Variants in TOM1L1 observed in about 807,000 individuals in gnomAD.
TOM1L1 encodes target of myb1 like 1 membrane trafficking protein.
In TOM1L1, 64 loss-of-function variants were observed where a neutral mutation model predicts 63.4. The observed-to-expected ratio is 1.01, with a 90% confidence interval of 0.83 to 1.24. The LOEUF (loss-of-function observed/expected upper bound fraction) is 1.24. Among genes scored for constraint, TOM1L1 ranks in the 50% most tolerant of loss-of-function variants. The probability of loss-of-function intolerance (pLI) is 0.00; values close to 1 mark genes in which losing one functional copy is unlikely to be tolerated. For missense variants in TOM1L1, 536 were observed against 567.0 expected, an observed-to-expected ratio of 0.95 and a Z score of 0.55; for synonymous variants, 166 against 194.4, an observed-to-expected ratio of 0.85 and a Z score of 1.22.
At chr17:54,904,992 TTAAAG>T (rs2048387426) in intron 2 of TOM1L1, among the ~76,000 whole-genome samples, 1 of 152,254 alleles carries the variant, frequency 6.6e-6, no homozygotes, top group Non-Finnish European at 1.5e-5. Flanking sequence ...AAAGAGAATC[TTAAAG>T]TAAATTTGGA....
chr17:54,942,096 CAT>C (rs1440349032), intron 11 of TOM1L1, among the ~76,000 whole-genome samples: 2 of 151,830 alleles, frequency 1.3e-5, no homozygotes, highest in Non-Finnish European at 2.9e-5. Context: ...CAGGATAAAA[CAT>C]AGGTCATTTT....
At chr17:54,917,230 A>G (rs1035150976) in intron 7 of TOM1L1, 5 of 152,118 alleles carry the variant, frequency 3.3e-5, no homozygotes, top group African/African-American at 9.7e-5. Flanking sequence ...TACTTTAAAT[A>G]TTGACTTTCT....
At chr17:54,957,474 A>C (rs1490888773) in intron 14 of TOM1L1, 2 of 152,156 alleles carry the variant, frequency 1.3e-5, no homozygotes, top group Non-Finnish European at 2.9e-5. Context: ...ATTATATTCA[A>C]ATTAGGAGAT....
At position 54,961,323 on chromosome 17, in the gene TOM1L1, A is replaced by G. The variant is rs1178540062; in HGVS notation, c.*90A>G. On this transcript the variant is annotated 3_prime_UTR_variant, in exon 16 of 16. Coordinates refer to ENST00000575882, the MANE Select transcript of TOM1L1 (RefSeq NM_005486.3). ...GTGCAGCTTTGAAGCCTGGAAGACA[A>G]TACCTACCAACATGTCAAAGCCATG... The G allele has an allele frequency of 8.4e-6, 13 of 1,551,460 alleles. No individual in the cohort carries two copies. The highest frequency in any genetic ancestry group is 2.7e-5 in the African/African-American group (2 of 73,058).
rs118116975 is a variant in TOM1L1, at chr17:54,931,923, T to G, written c.854+1717T>G. Among the ~76,000 whole-genome samples, 303 of 150,478 alleles carry G rather than the reference T, an allele frequency of 2.0e-3. 6 individuals carry two copies. In the East Asian group the frequency reaches 0.037, roughly 18 times the overall value. On this transcript the variant is annotated intron_variant, in intron 8 of 15. Transcript: ENST00000575882. ...GTAAGCCTAGGAACCATGCTTGCTT[T>G]CTTTCTTTCTTTTTCTTTTTTCTTC...
rs572098684 is a variant in TOM1L1, at chr17:54,920,454, C to A, written c.720+4592C>A. Among the ~76,000 whole-genome samples the A allele has an allele frequency of 1.5e-4, 23 of 152,184 alleles. No homozygotes were observed. In the East Asian group the frequency reaches 4.4e-3, roughly 29 times the overall value. On this transcript the variant is annotated intron_variant, in intron 7 of 15. Transcript: ENST00000575882. The stretch of plus-strand genomic sequence containing the variant: ...GAAGAAATATGAAAATAAAAATAAA[C>A]CCCAAGGATTACAGAAAAGGCTAAA...
chr17:54,932,566 A>G (rs2048881341), intron 8 of TOM1L1, among the ~76,000 whole-genome samples: 1 of 152,090 alleles, frequency 6.6e-6, no homozygotes. Flanking sequence ...GATTACAGGC[A>G]CACACCATCA....
chr17:54,918,927 CT>C (rs2048635944), intron 7 of TOM1L1, among the ~76,000 whole-genome samples: 1 of 152,110 alleles, frequency 6.6e-6, no homozygotes, highest in Non-Finnish European at 1.5e-5. Flanking sequence ...GGTAGTATAC[CT>C]TGAGAAATGA....
intron 7 of TOM1L1, among the ~76,000 whole-genome samples, chr17:54,920,114 A>G (rs1598018387): frequency 6.6e-6 from 1 of 152,176 alleles, no homozygotes; most frequent in East Asian, 1.9e-4. Flanking sequence ...AGTCACGTCA[A>G]TACAGTTAGA....
chr17:54,926,753 A>G (rs1161684962), intron 7 of TOM1L1, among the ~76,000 whole-genome samples: 2 of 152,208 alleles, frequency 1.3e-5, no homozygotes, highest in Non-Finnish European at 2.9e-5. Context: ...GACTGTCAGC[A>G]TCTTTGAGTC....
intron 3 of TOM1L1, chr17:54,906,684 T>C: frequency 1.2e-6 from 1 of 849,378 alleles, no homozygotes. Context: ...GTTTAAGCAA[T>C]TCTCCTGTGT....
chr17:54,914,924 T>G (rs1192495640), intron 6 of TOM1L1, among the ~76,000 whole-genome samples, 181 bp downstream of exon 6: 1 of 152,194 alleles, frequency 6.6e-6, no homozygotes, highest in Non-Finnish European at 1.5e-5. Context: ...GAAGGAGTAA[T>G]CCCATGGGTT....
intron 13 of TOM1L1, among the ~76,000 whole-genome samples, 191 bp from the exon 14 acceptor site, chr17:54,949,854 T>C (rs541267407): frequency 1.5e-3 from 221 of 152,302 alleles, no homozygotes; most frequent in African/African-American, 5.3e-3. Context: ...AAATGAATCT[T>C]TAGTTGAGGT....
chr17:54,948,971 G>T (rs913095016), intron 12 of TOM1L1, among the ~76,000 whole-genome samples: 13 of 151,158 alleles, frequency 8.6e-5, no homozygotes, highest in South Asian at 2.1e-4. Flanking sequence ...GCAATATATG[G>T]TTTTTTTTTC....
chr17:54,951,144 T>C (rs1168648787), intron 14 of TOM1L1, among the ~76,000 whole-genome samples: 2 of 152,196 alleles, frequency 1.3e-5, no homozygotes, highest in Non-Finnish European at 2.9e-5. Flanking sequence ...ACTGCTTCTT[T>C]GGGTTTGATT....
rs113960294 is a variant in TOM1L1 at position 54,913,384 on chromosome 17, G to A, written c.373-364G>A. Among the ~76,000 whole-genome samples the A allele has an allele frequency of 3.2e-3, 481 of 152,048 alleles. 5 individuals carry two copies. The highest frequency in any genetic ancestry group is 0.011 in the African/African-American group (463 of 41,486). Reference sequence around the variant, plus strand: ...TCAGGAGCTTAAGAATTGTGTTTTCGGCTGGGTGCGGTGGCTCACGCCTGT... The same window carrying A: ...TCAGGAGCTTAAGAATTGTGTTTTCAGCTGGGTGCGGTGGCTCACGCCTGT... On this transcript the variant is annotated intron_variant, in intron 4 of 15. Coordinates refer to ENST00000575882, the MANE Select transcript of TOM1L1 (RefSeq NM_005486.3).
intron 7 of TOM1L1, among the ~76,000 whole-genome samples, chr17:54,928,640 T>C (rs2143848280): frequency 6.6e-6 from 1 of 152,308 alleles, no homozygotes; most frequent in South Asian, 2.1e-4. Flanking sequence ...CAGCAAAGAC[T>C]AGATGGCCCA....
chr17:54,910,371 AC>A (rs1328623291), intron 3 of TOM1L1, among the ~76,000 whole-genome samples: 1 of 152,142 alleles, frequency 6.6e-6, no homozygotes, highest in East Asian at 1.9e-4. Context: ...CATGAGAATC[AC>A]CTGAACCGGA....
At chr17:54,940,681 AAAG>A (rs569569971) in intron 11 of TOM1L1, among the ~76,000 whole-genome samples, 28 of 152,332 alleles carry the variant, frequency 1.8e-4, no homozygotes, top group Admixed American at 1.4e-3. Context: ...AGTAGGAAAA[AAAG>A]GTGCTAAGTA....
Sources: allele counts gnomAD v4.1 joint callset (sites outside exome capture counted in the v4.1 genomes callset), GRCh38; gene constraint gnomAD v4.1.1; transcripts MANE v1.5; gene names NCBI Gene and HGNC (gene_info 2026-07-23, HGNC 2026-07-21).